Variants in BUB1B observed in about 807,000 individuals in gnomAD.
The protein encoded by BUB1B is mitotic checkpoint serine/threonine-protein kinase BUB1 beta.
In BUB1B, 86 loss-of-function variants were observed where a neutral mutation model predicts 137.7. The ratio of observed to expected loss-of-function variants is 0.62; its 90% confidence interval spans 0.52 to 0.75. The LOEUF (loss-of-function observed/expected upper bound fraction) is 0.75, where lower values mean the gene tolerates loss of function less well. Ranked by LOEUF, BUB1B falls within the 30% of genes least tolerant of loss-of-function variation. BUB1B has a pLI of 0.00. For synonymous variants in BUB1B, 420 were observed against 417.9 expected, an observed-to-expected ratio of 1.00 and a Z score of -0.06; for missense variants, 1,130 against 1,236.9, an observed-to-expected ratio of 0.91 and a Z score of 1.30.
At chr15:40,185,021 A>T (rs574530168) in intron 6 of BUB1B, 144 bp from the exon 7 acceptor site, 69 of 675,420 alleles carry the variant, frequency 1.0e-4, no homozygotes, top group Admixed American at 2.1e-4. Flanking sequence ...TAATTTTTTT[A>T]AAGATTATTT....
chr15:40,200,158 A>G, intron 10 of BUB1B, 86 bp from the exon 11 acceptor site: 2 of 893,126 alleles, frequency 2.2e-6, no homozygotes, highest in Non-Finnish European at 3.7e-6. Context: ...GTCTAGGGAA[A>G]GAGTACAGTA....
Position 40,208,732 on chromosome 15 carries a change from A to C in BUB1B, c.2105A>C (p.Gln702Pro). ...VASTSSIKCL[Q>P]IPEKLELTNE... ...AGCACCTCCTCCATCAAATGTCTTC[A>C]AATTCCTGAGAAACTAGAACTTACT... is the stretch of plus-strand genomic sequence containing the variant. The change falls in exon 16 of 23, where the codon CAA becomes CCA. Residue 702 changes from glutamine (Q) to proline (P), a missense_variant. Transcript: ENST00000287598. 2 of 1,613,598 alleles carry C rather than the reference A, an allele frequency of 1.2e-6. No individual in the cohort carries two copies.
At position 40,196,610 on chromosome 15, in the gene BUB1B, A is replaced by T; in HGVS notation, c.1124A>T (p.Glu375Val). The change falls in exon 9 of 23, where the codon GAA becomes GTA. Residue 375 changes from glutamate (E) to valine (V), a missense_variant. Transcript: ENST00000287598. ...AGCACCAGAAAGCCTGGAAAGGAAG[A>T]AGGAGATCCTCTACAAAGGGTTCAG... The part of the protein sequence containing the change: ...ILSTRKPGKE[E>V]GDPLQRVQSH... 4.3e-6 allele frequency: 7 copies of T among 1,614,050 alleles called. No individual in the cohort carries two copies. Among genetic ancestry groups the T allele is most frequent in the Non-Finnish European group, 5.9e-6 (7 of 1,179,924 alleles).
At chr15:40,206,553 C>G in intron 15 of BUB1B, 95 bp downstream of exon 15, 2 of 1,498,974 alleles carry the variant, frequency 1.3e-6, no homozygotes, top group South Asian at 2.3e-5. Context: ...CAAGTTCTTA[C>G]TAACTGCCAG....
intron 22 of BUB1B, 70 bp from the exon 23 acceptor site, chr15:40,220,494 G>A (rs1228724405): frequency 6.6e-7 from 1 of 1,522,462 alleles, no homozygotes; most frequent in Non-Finnish European, 9.1e-7. Flanking sequence ...ATGTACCACT[G>A]AGTTAAACTA....
At chr15:40,163,179 T>TC (rs1196209643) in intron 1 of BUB1B, among the ~76,000 whole-genome samples, 1 of 152,202 alleles carries the variant, frequency 6.6e-6, no homozygotes, top group Non-Finnish European at 1.5e-5. Context: ...GGTTGGTTCC[T>TC]CTCTGAGTTG....
At chr15:40,169,016 CTTATTAG>C (rs1188541494) in intron 2 of BUB1B, among the ~76,000 whole-genome samples, 18 of 151,950 alleles carry the variant, frequency 1.2e-4, no homozygotes, top group Non-Finnish European at 2.4e-4. Context: ...CTTTGTTTTT[CTTATTAG>C]AGTATAAATT....
chr15:40,168,373 AAAAAGAAAAGGAAAAAGAG>A (rs2140880548), intron 2 of BUB1B, among the ~76,000 whole-genome samples: 1 of 152,300 alleles, frequency 6.6e-6, no homozygotes, highest in South Asian at 2.1e-4. Flanking sequence ...GTCTCAAAAA[AAAAAGAAAAGGAAAAAGAG>A]AAAAGAAAAG....
At chr15:40,172,910 C>G (rs1351451287) in intron 4 of BUB1B, among the ~76,000 whole-genome samples, 2 of 152,050 alleles carry the variant, frequency 1.3e-5, no homozygotes, top group Non-Finnish European at 2.9e-5. Flanking sequence ...GTCTGTGGAC[C>G]CTGGTGGTGT....
intron 8 of BUB1B, among the ~76,000 whole-genome samples, chr15:40,189,182 C>CA (rs1456885638): frequency 6.6e-6 from 1 of 151,958 alleles, no homozygotes; most frequent in Non-Finnish European, 1.5e-5. Context: ...GTGTTTTAGA[C>CA]AGAGTCTTGC....
intron 8 of BUB1B, among the ~76,000 whole-genome samples, chr15:40,193,715 A>C (rs1385521357): frequency 2.6e-5 from 4 of 151,900 alleles, no homozygotes; most frequent in African/African-American, 9.7e-5. Flanking sequence ...CCAACATGGC[A>C]AAACCCCATC....
chr15:40,218,325 A>G lies in BUB1B; in HGVS notation c.2851-131A>G, dbSNP rs115813921. 3,394 of 724,934 alleles carry G rather than the reference A, an allele frequency of 4.7e-3. 71 individuals carry two copies. The African/African-American group carries it at 0.053, about 11-fold the overall frequency. The allele number at this position is 724,934 out of a possible 1,614,324, so 44.9% of individuals were successfully genotyped here. A position where few individuals can be genotyped will look rare whatever the true frequency, so the allele number is the denominator to read the frequency against. On this transcript the variant is annotated intron_variant, in intron 21 of 22. Coordinates refer to ENST00000287598, the MANE Select transcript of BUB1B (RefSeq NM_001211.6). ...TCCCTTTACTGTAAGGGTGAGGAAC[A>G]GTCTACTAAAATGTATGTCATAAAA...
At chr15:40,189,703 T>A (rs1203883956) in intron 8 of BUB1B, among the ~76,000 whole-genome samples, 1 of 152,238 alleles carries the variant, frequency 6.6e-6, no homozygotes, top group Admixed American at 6.5e-5. Context: ...GGACATGTGT[T>A]TTCGTTTTTC....
intron 1 of BUB1B, among the ~76,000 whole-genome samples, chr15:40,163,446 T>C (rs28417868): frequency 0.06 from 9,080 of 152,242 alleles, 891 homozygotes; most frequent in African/African-American, 0.21. Context: ...GATAATCATA[T>C]AAATGCATGA....
intron 4 of BUB1B, 142 bp downstream of exon 4, chr15:40,170,823 ACTT>A (rs2037153893): frequency 2.4e-6 from 2 of 828,512 alleles, no homozygotes; most frequent in South Asian, 3.2e-5. Context: ...AATATGCAAT[ACTT>A]CTTAAATTGG....
intron 20 of BUB1B, among the ~76,000 whole-genome samples, chr15:40,214,895 A>T (rs1178849221): frequency 2.0e-5 from 3 of 150,432 alleles, no homozygotes; most frequent in African/African-American, 7.4e-5. Flanking sequence ...ACCACCAAAA[A>T]TCCCCCCAAA....
chr15:40,202,818 A>G, intron 14 of BUB1B, 124 bp downstream of exon 14: 1 of 826,640 alleles, frequency 1.2e-6, no homozygotes. Context: ...GATGCTCAGC[A>G]TTACTACTCA....
chr15:40,170,498 C>A, intron 3 of BUB1B, 39 bp from the exon 4 acceptor site: 2 of 1,608,248 alleles, frequency 1.2e-6, no homozygotes, highest in South Asian at 2.2e-5. Flanking sequence ...AGTACATGTT[C>A]AATTTAAAAT....
At chr15:40,190,449 T>G (rs2037421947) in intron 8 of BUB1B, among the ~76,000 whole-genome samples, 1 of 151,928 alleles carries the variant, frequency 6.6e-6, no homozygotes, top group African/African-American at 2.4e-5. Flanking sequence ...CCATCTCTAC[T>G]AAAAATAAAA....
Sources: gnomAD v4.1 joint callset for allele counts (sites outside exome capture counted in the v4.1 genomes callset) on GRCh38, gnomAD v4.1.1 for gene constraint, MANE v1.5 for transcripts, NCBI Gene and HGNC (gene_info 2026-07-23, HGNC 2026-07-21) for gene names.